FTO: variants seen among roughly 807,000 people sequenced by gnomAD.
FTO encodes the protein FTO alpha-ketoglutarate dependent dioxygenase, also known as alpha-ketoglutarate-dependent dioxygenase FTO.
Under a neutral mutation model 63.9 loss-of-function variants are expected in FTO, and 47 were observed. That is an observed-to-expected ratio of 0.74 (90% CI 0.58 to 0.94). FTO has a LOEUF of 0.94. FTO is among the 40% of genes least tolerant of loss of function. FTO has a pLI of 0.00. For synonymous variants in FTO, 207 were observed against 224.4 expected (o/e 0.92, Z 0.69); for missense variants, 562 against 618.1 (o/e 0.91, Z 0.96).
At chr16:54,027,053 C>G (rs2084729206) in intron 8 of FTO, among the ~76,000 whole-genome samples, 1 of 151,008 alleles carries the variant, frequency 6.6e-6, no homozygotes, top group Non-Finnish European at 1.5e-5. Context: ...AATTGATTAA[C>G]AGGATAGTTA....
intron 7 of FTO, 35 bp from the exon 8 acceptor site, chr16:53,933,950 C>A (rs553386902): frequency 6.2e-7 from 1 of 1,606,728 alleles, no homozygotes; most frequent in Admixed American, 1.7e-5. Flanking sequence ...TAATTTTTCA[C>A]TTTTTCTTTC....
Position 53,743,600 on chromosome 16 carries a change from G to T in FTO, c.45+39371G>T, listed in dbSNP as rs146566297. The stretch of plus-strand genomic sequence containing the variant: ...TAGTATGTTAGGTAATAAAATAATT[G>T]TAACATGTTTGCAGATAATTTTAGG... On this transcript the variant is annotated intron_variant, in intron 1 of 8. Coordinates refer to ENST00000471389, the MANE Select transcript of FTO (RefSeq NM_001080432.3). 4.1e-3 allele frequency among the ~76,000 whole-genome samples: 608 copies of T among 148,322 alleles called. 2 individuals are homozygous for T. The highest frequency in any genetic ancestry group is 7.5e-3 in the Admixed American group (110 of 14,638).
intron 5 of FTO, among the ~76,000 whole-genome samples, chr16:53,876,859 G>A (rs2080669858): frequency 6.6e-6 from 1 of 152,168 alleles, no homozygotes; most frequent in African/African-American, 2.4e-5. Flanking sequence ...CCTGGGAGGT[G>A]GAGGTTGCAG....
chr16:53,980,396 G>A (rs967858191), intron 8 of FTO, among the ~76,000 whole-genome samples: 2 of 152,204 alleles, frequency 1.3e-5, no homozygotes, highest in South Asian at 2.1e-4. Flanking sequence ...TAGGCAAAGA[G>A]GTTATACCCT....
chr16:53,836,276 A>G (rs1179375339), intron 3 of FTO, among the ~76,000 whole-genome samples: 1 of 152,182 alleles, frequency 6.6e-6, no homozygotes, highest in Non-Finnish European at 1.5e-5. Flanking sequence ...CTGTGTACCT[A>G]GCACCCTGGT....
chr16:53,943,183 G>T, intron 8 of FTO, among the ~76,000 whole-genome samples: 1 of 152,150 alleles, frequency 6.6e-6, no homozygotes, highest in East Asian at 1.9e-4. Flanking sequence ...TTGAAACATT[G>T]TATAAATTTA....
At chr16:53,879,535 A>G (rs2080762010) in intron 5 of FTO, among the ~76,000 whole-genome samples, 1 of 151,942 alleles carries the variant, frequency 6.6e-6, no homozygotes, top group East Asian at 1.9e-4. Context: ...AATTTAGAAA[A>G]ATTAGCTGGG....
At chr16:53,986,031 G>A (rs1219753439) in intron 8 of FTO, among the ~76,000 whole-genome samples, 2 of 152,168 alleles carry the variant, frequency 1.3e-5, no homozygotes, top group Non-Finnish European at 2.9e-5. Flanking sequence ...GCAAAATTCT[G>A]AAAAACTGGC....
At chr16:53,941,707 G>A (rs2082533330) in intron 8 of FTO, among the ~76,000 whole-genome samples, 1 of 152,166 alleles carries the variant, frequency 6.6e-6, no homozygotes, top group Non-Finnish European at 1.5e-5. Flanking sequence ...AACTAGCCAG[G>A]CACGGTGGCG....
At chr16:54,065,144 A>ATTTTAT (rs1444673828) in intron 8 of FTO, among the ~76,000 whole-genome samples, 6 of 133,772 alleles carry the variant, frequency 4.5e-5, no homozygotes, top group African/African-American at 1.8e-4. Flanking sequence ...ATTTTATTTT[A>ATTTTAT]TTTTATTTTA....
At chr16:53,754,609 G>A (rs1412244854) in intron 1 of FTO, among the ~76,000 whole-genome samples, 3 of 152,100 alleles carry the variant, frequency 2.0e-5, no homozygotes, top group African/African-American at 7.2e-5. Context: ...CTGCACTCCA[G>A]CCTGGATGAC....
At chr16:53,964,967 A>T (rs572276263) in intron 8 of FTO, among the ~76,000 whole-genome samples, 50 of 152,354 alleles carry the variant, frequency 3.3e-4, no homozygotes, top group South Asian at 1.4e-3. Flanking sequence ...GCATTTTATA[A>T]GAGGAAAACC....
chr16:53,894,444 G>C (rs2081227660), intron 7 of FTO, among the ~76,000 whole-genome samples: 1 of 152,152 alleles, frequency 6.6e-6, no homozygotes, highest in South Asian at 2.1e-4. Context: ...CAGGAACAAG[G>C]CTGCTTTTTC....
chr16:54,109,843 A>G (rs955842195), intron 8 of FTO, among the ~76,000 whole-genome samples: 5 of 152,300 alleles, frequency 3.3e-5, no homozygotes, highest in Admixed American at 3.3e-4. Flanking sequence ...TACAAACTTT[A>G]TGATATTCTA....
rs1171800365 is a variant in FTO at position 53,704,374 on chromosome 16, T to C, written c.45+145T>C. The C allele has an allele frequency of 8.8e-6, 7 of 799,790 alleles. No homozygotes were observed. In the Admixed American group the frequency reaches 1.2e-4, roughly 14 times the overall value. The allele number at this position is 799,790 out of a possible 1,614,324, so 49.5% of individuals were successfully genotyped here. A position where few individuals can be genotyped will look rare whatever the true frequency, so the allele number is the denominator to read the frequency against. The stretch of plus-strand genomic sequence containing the variant: ...CTTGTCAGCAAGGGACCTGGAGATA[T>C]TAGAGGGGATGTTACAAATTCGTGC... On this transcript the variant is annotated intron_variant, in intron 1 of 8. Coordinates refer to ENST00000471389, the MANE Select transcript of FTO (RefSeq NM_001080432.3).
chr16:53,705,698 A>C (rs1267897641), intron 1 of FTO, among the ~76,000 whole-genome samples: 2 of 152,212 alleles, frequency 1.3e-5, no homozygotes, highest in African/African-American at 4.8e-5. Context: ...TATATTAAAG[A>C]TAAGCACAAA....
chr16:53,986,662 A>G lies in FTO; in HGVS notation c.1364+52553A>G, dbSNP rs1233768638. Reference sequence around the variant, plus strand: ...TATTGCCCTGGAATTCTAATTTCCAATTTAGGGTTTTGCTATATAATCTCT... The same window carrying G: ...TATTGCCCTGGAATTCTAATTTCCAGTTTAGGGTTTTGCTATATAATCTCT... On this transcript the variant is annotated intron_variant, in intron 8 of 8. Coordinates refer to ENST00000471389, the MANE Select transcript of FTO (RefSeq NM_001080432.3). Among the ~76,000 whole-genome samples the G allele has an allele frequency of 1.3e-5, 2 of 152,214 alleles. 1 individual carries two copies. The highest frequency in any genetic ancestry group is 4.1e-4 in the South Asian group (2 of 4,828).
At chr16:53,840,201 CT>C (rs1188944818) in intron 3 of FTO, among the ~76,000 whole-genome samples, 3 of 151,290 alleles carry the variant, frequency 2.0e-5, no homozygotes, top group African/African-American at 7.3e-5. Flanking sequence ...AAAATATTTC[CT>C]TTTTTTTTCT....
At chr16:53,898,051 A>G (rs895523955) in intron 7 of FTO, among the ~76,000 whole-genome samples, 15 of 152,086 alleles carry the variant, frequency 9.9e-5, no homozygotes, top group Non-Finnish European at 1.9e-4. Context: ...CTACTACCCT[A>G]TGTCCATCCC....
Sources: gnomAD v4.1 joint callset for allele counts (sites outside exome capture counted in the v4.1 genomes callset) on GRCh38, gnomAD v4.1.1 for gene constraint, MANE v1.5 for transcripts, NCBI Gene and HGNC (gene_info 2026-07-23, HGNC 2026-07-21) for gene names.